UGGT2: variants seen among roughly 807,000 people sequenced by gnomAD.
The protein encoded by UGGT2 is UDP-glucose glycoprotein glucosyltransferase 2.
In UGGT2, 180 loss-of-function variants were observed where a neutral mutation model predicts 192.1. The ratio of observed to expected loss-of-function variants is 0.94; its 90% CI spans 0.83 to 1.06. UGGT2 has a LOEUF of 1.06. Among genes scored for constraint, UGGT2 ranks in the 50% least tolerant of loss-of-function variants. UGGT2 has a pLI of 0.00. For synonymous variants in UGGT2, 580 were observed against 591.0 expected (o/e 0.98, Z 0.27); for missense variants, 1,849 against 1,795.7 (o/e 1.03, Z -0.54).
At chr13:95,822,482 G>A (rs1303948382) in intron 38 of UGGT2, among the ~76,000 whole-genome samples, 1 of 151,942 alleles carries the variant, frequency 6.6e-6, no homozygotes, top group African/African-American at 2.4e-5. Flanking sequence ...TCATATCACT[G>A]GTGAACAGCA....
At chr13:95,939,896 T>A in intron 16 of UGGT2, 61 bp downstream of exon 16, 13 of 1,326,836 alleles carry the variant, frequency 9.8e-6, no homozygotes, top group Non-Finnish European at 1.4e-5. Flanking sequence ...TGAGTAGAGA[T>A]CATGTGGTGT....
chr13:95,803,230 T>G (rs957170059), intron 38 of UGGT2, among the ~76,000 whole-genome samples: 7 of 151,830 alleles, frequency 4.6e-5, no homozygotes, highest in Non-Finnish European at 1.0e-4. Flanking sequence ...AAATAAAGGG[T>G]GGGAGAGAGG....
At position 96,023,109 on chromosome 13, in the gene UGGT2, A is replaced by C. The variant is rs768954252; in HGVS notation, c.416T>G (p.Val139Gly). The change falls in exon 4 of 39, where the codon GTG becomes GGG. Residue 139 changes from valine to glycine, a missense_variant. By Grantham distance (109) the Val-to-Gly change is moderately radical. Transcript: ENST00000376747. ...ACAGGTGTGCTTCTTATGAATAACCACAAATGCATTACAACCATCTGGTGG... is the reference window on the plus strand; with the variant it reads ...ACAGGTGTGCTTCTTATGAATAACCCCAAATGCATTACAACCATCTGGTGG... ...EPPPDGCNAFVVIHKKHTCKI... is the reference protein window; with the variant it reads ...EPPPDGCNAFGVIHKKHTCKI... The C allele has an allele frequency of 6.3e-7, 1 of 1,597,286 alleles. No individual in the cohort carries two copies. Among genetic ancestry groups the C allele is most frequent in the Non-Finnish European group, 8.5e-7 (1 of 1,170,650 alleles).
At chr13:95,830,153 G>C (rs1257431034) in intron 38 of UGGT2, among the ~76,000 whole-genome samples, 1 of 152,108 alleles carries the variant, frequency 6.6e-6, no homozygotes, top group Non-Finnish European at 1.5e-5. Flanking sequence ...AGACTTAAAT[G>C]TTAGACCTAA....
chr13:95,964,906 C>T (rs1041337356), intron 12 of UGGT2, among the ~76,000 whole-genome samples: 5 of 152,084 alleles, frequency 3.3e-5, no homozygotes, highest in South Asian at 2.1e-4. Flanking sequence ...AAGAAAAAAA[C>T]GACCCCATCA....
intron 2 of UGGT2, among the ~76,000 whole-genome samples, chr13:96,029,421 G>T (rs962925593): frequency 6.6e-6 from 1 of 151,960 alleles, no homozygotes; most frequent in African/African-American, 2.4e-5. Flanking sequence ...CGAGTAGCTG[G>T]ATTACAGGCC....
intron 20 of UGGT2, among the ~76,000 whole-genome samples, chr13:95,914,365 G>A (rs964914131): frequency 6.6e-6 from 1 of 151,974 alleles, no homozygotes; most frequent in African/African-American, 2.4e-5. Flanking sequence ...GCAGAAGAAA[G>A]CAAGCTACAA....
intron 20 of UGGT2, among the ~76,000 whole-genome samples, chr13:95,909,885 CG>C (rs1210017117): frequency 9.4e-5 from 14 of 148,638 alleles, no homozygotes; most frequent in Non-Finnish European, 1.5e-4. Flanking sequence ...AGACTAACAA[CG>C]GACCTCTCAG....
intron 20 of UGGT2, among the ~76,000 whole-genome samples, chr13:95,919,078 A>G (rs2048766068): frequency 6.6e-6 from 1 of 152,218 alleles, no homozygotes; most frequent in African/African-American, 2.4e-5. Flanking sequence ...ACACAAATCA[A>G]TAAATGTGAT....
intron 21 of UGGT2, among the ~76,000 whole-genome samples, chr13:95,901,694 A>G (rs1216104730): frequency 6.6e-6 from 1 of 152,172 alleles, no homozygotes; most frequent in African/African-American, 2.4e-5. Flanking sequence ...CGGCTTTCAA[A>G]ATGTGGCTAC....
chr13:95,873,163 C>A (rs139416493), intron 29 of UGGT2, among the ~76,000 whole-genome samples: 1 of 152,258 alleles, frequency 6.6e-6, no homozygotes, highest in Non-Finnish European at 1.5e-5. Flanking sequence ...AAGCAGTTTG[C>A]ACAAAATTTA....
At chr13:95,873,260 A>C (rs1267107963) in intron 29 of UGGT2, among the ~76,000 whole-genome samples, 2 of 152,210 alleles carry the variant, frequency 1.3e-5, no homozygotes, top group Non-Finnish European at 2.9e-5. Context: ...GTTACAGCCT[A>C]TTTTGCTCAT....
At chr13:95,960,918 G>A (rs1013592034) in intron 12 of UGGT2, among the ~76,000 whole-genome samples, 46 of 152,220 alleles carry the variant, frequency 3.0e-4, no homozygotes, top group African/African-American at 9.9e-4. Context: ...GCCAGTTGAG[G>A]ATACTATACC....
chr13:96,049,194 C>T (rs1003267060), intron 1 of UGGT2, among the ~76,000 whole-genome samples: 5 of 152,152 alleles, frequency 3.3e-5, no homozygotes, highest in Non-Finnish European at 7.3e-5. Flanking sequence ...AATCAATAAA[C>T]ATAATTCATC....
intron 29 of UGGT2, among the ~76,000 whole-genome samples, chr13:95,872,997 T>C (rs1439092305): frequency 6.6e-6 from 1 of 152,110 alleles, no homozygotes; most frequent in East Asian, 1.9e-4. Context: ...AATGAGGAAA[T>C]AAAGACTACA....
intron 36 of UGGT2, among the ~76,000 whole-genome samples, chr13:95,837,578 T>C (rs1215694182): frequency 6.6e-6 from 1 of 152,224 alleles, no homozygotes; most frequent in African/African-American, 2.4e-5. Flanking sequence ...CTCTGGATTC[T>C]GAGGTGAATT....
chr13:95,844,213 C>T (rs925740253), intron 36 of UGGT2, among the ~76,000 whole-genome samples: 3 of 152,290 alleles, frequency 2.0e-5, no homozygotes, highest in South Asian at 4.2e-4. Flanking sequence ...CCACCTGCCT[C>T]GGCCTCCCAA....
chr13:95,852,238 C>T (rs993782940), intron 36 of UGGT2, among the ~76,000 whole-genome samples: 1 of 152,040 alleles, frequency 6.6e-6, no homozygotes. Flanking sequence ...TACTTTATTC[C>T]CCCCATCTTT....
At chr13:95,835,074 G>A (rs1887143558) in intron 37 of UGGT2, among the ~76,000 whole-genome samples, 1 of 152,100 alleles carries the variant, frequency 6.6e-6, no homozygotes, top group African/African-American at 2.4e-5. Context: ...AATTAGTAAT[G>A]AGATATATGT....
Sources: allele counts gnomAD v4.1 joint callset (sites outside exome capture counted in the v4.1 genomes callset), GRCh38; gene constraint gnomAD v4.1.1; transcripts MANE v1.5; gene names NCBI Gene and HGNC (gene_info 2026-07-23, HGNC 2026-07-21).